UBE2F: variants seen among roughly 807,000 people sequenced by gnomAD.
The protein encoded by UBE2F is NEDD8-conjugating enzyme UBE2F.
A neutral mutation model predicts 29.6 loss-of-function variants in UBE2F; 5 were observed. The ratio of observed to expected loss-of-function variants is 0.17; its 90% confidence interval spans 0.09 to 0.36. UBE2F has a LOEUF of 0.36. Ranked by LOEUF, UBE2F falls within the 10% of genes least tolerant of loss-of-function variation. The pLI, the probability that UBE2F is intolerant of heterozygous loss-of-function variation, is 1.00. For synonymous variants in UBE2F, 66 were observed against 81.8 expected, an observed-to-expected ratio of 0.81 and a Z score of 1.04; for missense variants, 141 against 228.5, an observed-to-expected ratio of 0.62 and a Z score of 2.47.
intron 2 of UBE2F, among the ~76,000 whole-genome samples, chr2:237,986,582 T>C (rs2063486503): frequency 6.6e-6 from 1 of 152,242 alleles, no homozygotes; most frequent in African/African-American, 2.4e-5. Context: ...AAAAAATCAT[T>C]GCCAAGGCCC....
chr2:237,967,018 C>G lies in UBE2F; in HGVS notation c.-131C>G. 1 of 1,261,078 alleles carries G rather than the reference C, an allele frequency of 7.9e-7. No individual in the cohort carries two copies. 78.1% of individuals were successfully genotyped at this position (1,261,078 alleles called of 1,614,324 possible). ...CGGCCGAGTCCCCGCCCCGCCACTT[C>G]CGGTCCCGCCGCCGGGAGCCGGTGC... On this transcript the variant is annotated 5_prime_UTR_variant, in exon 1 of 10. Coordinates refer to ENST00000272930, the MANE Select transcript of UBE2F (RefSeq NM_080678.3). This position sits in a 1 kb window ranked among gnomAD's most constrained non-coding sequence, Gnocchi z 6.3.
rs2064822123 is a variant in UBE2F at position 238,040,794 on chromosome 2, ATCC to A, written c.508-492_508-490del. Among the ~76,000 whole-genome samples, 1 of 152,106 alleles carries A rather than the reference ATCC, an allele frequency of 6.6e-6. No homozygotes were observed. Among genetic ancestry groups the A allele is most frequent in the African/African-American group, 2.4e-5 (1 of 41,426 alleles). On this transcript the variant is annotated intron_variant, in intron 9 of 9. Coordinates refer to ENST00000272930, the MANE Select transcript of UBE2F (RefSeq NM_080678.3). This position sits in a 1 kb window ranked among gnomAD's most constrained non-coding sequence, Gnocchi z 4.4. ...CAGCTCTCTTCTGGGCAGGGTGGTCATCCTGCCCAGAAGAGATGGGGGCCTGTA... is the reference window on the plus strand; with the variant it reads ...CAGCTCTCTTCTGGGCAGGGTGGTCATGCCCAGAAGAGATGGGGGCCTGTA...
intron 4 of UBE2F, among the ~76,000 whole-genome samples, chr2:238,002,021 TAGG>T (rs760385088): frequency 5.4e-4 from 82 of 151,424 alleles, no homozygotes; most frequent in Admixed American, 1.8e-3. Context: ...TTTGGAGCTT[TAGG>T]AGGAGAAGTT....
In UBE2F at chr2:238,040,806, A is replaced by G. The variant is rs1452685159; in HGVS notation, c.508-482A>G. ...GGGCAGGGTGGTCATCCTGCCCAGA[A>G]GAGATGGGGGCCTGTACATGGGCTG... On this transcript the variant is annotated intron_variant, in intron 9 of 9. Coordinates refer to ENST00000272930, the MANE Select transcript of UBE2F (RefSeq NM_080678.3). This position sits in a 1 kb window ranked among gnomAD's most constrained non-coding sequence, Gnocchi z 4.4. Among the ~76,000 whole-genome samples, 1 of 152,116 alleles carries G rather than the reference A, an allele frequency of 6.6e-6. No individual in the cohort carries two copies. Among genetic ancestry groups the G allele is most frequent in the African/African-American group, 2.4e-5 (1 of 41,426 alleles).
rs796514062 is a variant in UBE2F at position 237,991,597 on chromosome 2, T to TTTTCTTTC, written c.149-3139_149-3132dup. Reference sequence around the variant, plus strand: ...TTTTTAGAACTTAACCTTTCTTTTCTTTTCTTTCTTTCTTTTTTTTTTTTT... The same window carrying TTTTCTTTC: ...TTTTTAGAACTTAACCTTTCTTTTCTTTTCTTTCTTTCTTTCTTTCTTTTTTTTTTTTT... On this transcript the variant is annotated intron_variant, in intron 3 of 9. Coordinates refer to ENST00000272930, the MANE Select transcript of UBE2F (RefSeq NM_080678.3). Among the ~76,000 whole-genome samples the TTTTCTTTC allele has an allele frequency of 1.7e-3, 167 of 96,806 alleles. 5 individuals carry two copies. The highest frequency in any genetic ancestry group is 3.2e-3 in the South Asian group (9 of 2,848). The allele number at this position is 96,806 out of a possible 152,430, so 63.5% of individuals were successfully genotyped here.
At chr2:238,023,504 A>G (rs780478132) in intron 5 of UBE2F, among the ~76,000 whole-genome samples, 2 of 152,274 alleles carry the variant, frequency 1.3e-5, no homozygotes, top group African/African-American at 4.8e-5. Context: ...AAATAAAAAG[A>G]TGAAACTATA....
At chr2:237,991,827 G>A (rs993581283) in intron 3 of UBE2F, among the ~76,000 whole-genome samples, 6 of 150,230 alleles carry the variant, frequency 4.0e-5, no homozygotes, top group South Asian at 2.1e-4. Context: ...GAGCCGCTGC[G>A]CCTGGCATAG....
chr2:238,006,224 A>G (rs1223958404), intron 4 of UBE2F, among the ~76,000 whole-genome samples: 2 of 152,030 alleles, frequency 1.3e-5, no homozygotes, highest in East Asian at 1.9e-4. Flanking sequence ...AGAGATGCAG[A>G]CTCTTTTAAA....
At chr2:237,991,601 C>CTTTTTTTTTTTTTTTTT (rs796466552) in intron 3 of UBE2F, among the ~76,000 whole-genome samples, 1 of 30,854 alleles carries the variant, frequency 3.2e-5, no homozygotes, top group Admixed American at 3.4e-4. Context: ...CTTTTCTTTT[C>CTTTTTTTTTTTTTTTTT]TTTCTTTCTT....
chr2:238,009,106 T>C (rs1468241395), intron 4 of UBE2F, among the ~76,000 whole-genome samples: 2 of 152,268 alleles, frequency 1.3e-5, no homozygotes, highest in Non-Finnish European at 2.9e-5. Context: ...GGTGATTCTT[T>C]GTTCCACTTT....
At chr2:238,039,228 T>G (rs933579316) in intron 9 of UBE2F, among the ~76,000 whole-genome samples, 1 of 151,940 alleles carries the variant, frequency 6.6e-6, no homozygotes, top group Non-Finnish European at 1.5e-5. Flanking sequence ...AGAGCGAAAC[T>G]CCATCTCAAA....
intron 2 of UBE2F, among the ~76,000 whole-genome samples, chr2:237,980,084 T>C (rs1295706233): frequency 6.6e-6 from 1 of 152,254 alleles, no homozygotes. Flanking sequence ...AGCTAAGAAA[T>C]AAAGTTCTAG....
intron 3 of UBE2F, 88 bp from the exon 4 acceptor site, chr2:237,994,656 G>T: frequency 9.6e-7 from 1 of 1,042,832 alleles, no homozygotes. Context: ...CTGTAGCACC[G>T]CTAACTTTAC....
At chr2:238,035,680 A>C (rs2064692613) in intron 8 of UBE2F, 198 bp from the exon 9 acceptor site, 1 of 547,122 alleles carries the variant, frequency 1.8e-6, no homozygotes, top group Admixed American at 3.2e-5. Context: ...GTCAGTTGTC[A>C]GTCACCATTT....
chr2:238,000,787 C>G (rs1288290341), intron 4 of UBE2F, among the ~76,000 whole-genome samples: 1 of 152,120 alleles, frequency 6.6e-6, no homozygotes, highest in Non-Finnish European at 1.5e-5. Context: ...AATGAGAATT[C>G]CAGTTTCTCT....
At chr2:237,970,869 G>A (rs932152450) in intron 1 of UBE2F, among the ~76,000 whole-genome samples, 4 of 152,196 alleles carry the variant, frequency 2.6e-5, no homozygotes, top group South Asian at 2.1e-4. Flanking sequence ...CCACCATGCC[G>A]AGCTAATTTT....
chr2:238,026,729 G>A (rs1178108778), intron 6 of UBE2F, among the ~76,000 whole-genome samples: 1 of 152,106 alleles, frequency 6.6e-6, no homozygotes, highest in Non-Finnish European at 1.5e-5. Flanking sequence ...CACCGCGCCG[G>A]GCCGGATGCC....
chr2:237,974,805 G>A (rs1329389550), intron 2 of UBE2F, among the ~76,000 whole-genome samples: 4 of 152,038 alleles, frequency 2.6e-5, no homozygotes, highest in Non-Finnish European at 5.9e-5. Flanking sequence ...ATGAGCCACC[G>A]TGCCCAGCCA....
Position 238,016,652 on chromosome 2 carries a change from G to T in UBE2F, c.282+19G>T. 2.5e-6 allele frequency: 4 copies of T among 1,600,042 alleles called. No individual in the cohort carries two copies. The highest frequency in any genetic ancestry group is 3.4e-6 in the Non-Finnish European group (4 of 1,175,476). Reference sequence around the variant, plus strand: ...CATGGTGGTGAGTAGCCTGCGTTGAGCCTGTTGTTTTACTTCTCGGGCGGG... The same window carrying T: ...CATGGTGGTGAGTAGCCTGCGTTGATCCTGTTGTTTTACTTCTCGGGCGGG... On this transcript the variant is annotated intron_variant, in intron 5 of 9. Transcript: ENST00000272930.
Sources: gnomAD v4.1 joint callset for allele counts (sites outside exome capture counted in the v4.1 genomes callset) on GRCh38, gnomAD v4.1.1 for gene constraint, Gnocchi (gnomAD v3.1) non-coding constraint, MANE v1.5 for transcripts, NCBI Gene and HGNC (gene_info 2026-07-23, HGNC 2026-07-21) for gene names.